The following LRTM3 variants were observed in gnomAD, a reference collection of about 807,000 sequenced individuals.
The protein encoded by LRTM3 is leucine rich repeat transmembrane protein 3.
At chr13:102,743,499 G>A in the LRTM3 span, 1 of 1,548,536 alleles carries the variant, frequency 6.5e-7, no homozygotes, top group Non-Finnish European at 8.7e-7. Context: ...GAAATTGGTG[G>A]TTTCTTTTCC....
chr13:102,730,771 G>C, the LRTM3 span: 1 of 1,551,580 alleles, frequency 6.4e-7, no homozygotes, highest in African/African-American at 1.4e-5. Context: ...TACTATGTTT[G>C]GGAAGTACAT....
At chr13:102,732,432 T>C in the LRTM3 span, 1 of 1,551,208 alleles carries the variant, frequency 6.4e-7, no homozygotes, top group Non-Finnish European at 8.7e-7. Flanking sequence ...CTCAATTCTC[T>C]TTTCAGATCT....
chr13:102,735,583 T>G, the LRTM3 span: 1 of 1,551,052 alleles, frequency 6.4e-7, no homozygotes, highest in Non-Finnish European at 8.7e-7. Flanking sequence ...TATCTGAGAG[T>G]AGTAATTGCT....
At chr13:102,738,173 C>A in the LRTM3 span, 2 of 1,550,314 alleles carry the variant, frequency 1.3e-6, no homozygotes, top group Non-Finnish European at 1.7e-6. Context: ...TGCTTTCAGA[C>A]CTTTGTCTTC....
At chr13:102,746,742 C>T in the LRTM3 span, 1 of 1,550,874 alleles carries the variant, frequency 6.4e-7, no homozygotes, top group African/African-American at 1.4e-5. Flanking sequence ...GTCTTTTCTT[C>T]TGCAAAACAG....
At chr13:102,742,229 C>A in the LRTM3 span, 1 of 1,550,398 alleles carries the variant, frequency 6.4e-7, no homozygotes, top group Non-Finnish European at 8.7e-7. Context: ...TTTTTTATTG[C>A]TTGCAGTACC....
At chr13:102,737,537 C>T in the LRTM3 span, 5 of 1,550,538 alleles carry the variant, frequency 3.2e-6, no homozygotes, top group Non-Finnish European at 3.5e-6. Flanking sequence ...GTCCTCTTTC[C>T]CTTGCTCCTG....
chr13:102,737,018 C>T, the LRTM3 span: 6 of 1,551,036 alleles, frequency 3.9e-6, no homozygotes, highest in Non-Finnish European at 5.2e-6. Flanking sequence ...TTCACTTTTT[C>T]TTTCCTGTAC....
At chr13:102,730,270 T>C in the LRTM3 span, 1 of 1,551,310 alleles carries the variant, frequency 6.4e-7, no homozygotes, top group South Asian at 1.2e-5. Context: ...ATAGAATGTT[T>C]TCTGATTCCT....
chr13:102,749,933 T>G, the LRTM3 span: 1 of 1,551,230 alleles, frequency 6.4e-7, no homozygotes, highest in South Asian at 1.2e-5. Flanking sequence ...AGGAATTTGA[T>G]TCCTCACATT....
At chr13:102,758,513 T>C in the LRTM3 span, 1 of 1,539,964 alleles carries the variant, frequency 6.5e-7, no homozygotes, top group Non-Finnish European at 8.8e-7. Flanking sequence ...ACAAGTTTTA[T>C]ATTAAAATGT....
At chr13:102,738,248 T>A in the LRTM3 span, 1 of 1,550,984 alleles carries the variant, frequency 6.4e-7, no homozygotes, top group Non-Finnish European at 8.7e-7. Flanking sequence ...TTGCATGTAA[T>A]CTTTTGCTTT....
At chr13:102,749,624 G>A in the LRTM3 span, 1 of 1,551,388 alleles carries the variant, frequency 6.4e-7, no homozygotes, top group Non-Finnish European at 8.7e-7. Flanking sequence ...GGACTGGAAG[G>A]AGTCTTGTGT....
chr13:102,742,784 C>T, the LRTM3 span: 1 of 1,550,492 alleles, frequency 6.4e-7, no homozygotes, highest in South Asian at 1.2e-5. Flanking sequence ...AGGTGAATGC[C>T]TGCCAACAGA....
the LRTM3 span, chr13:102,739,308 CTCTA>C: frequency 6.5e-7 from 1 of 1,549,198 alleles, no homozygotes; most frequent in Non-Finnish European, 8.7e-7. Context: ...ACTATATTTT[CTCTA>C]TCTTCCTTCT....
the LRTM3 span, chr13:102,733,852 C>G: frequency 6.4e-7 from 1 of 1,551,382 alleles, no homozygotes; most frequent in Non-Finnish European, 8.7e-7. Flanking sequence ...GGGGCACATA[C>G]TGTTCTGCTT....
At chr13:102,743,053 A>T in the LRTM3 span, 1 of 1,550,188 alleles carries the variant, frequency 6.5e-7, no homozygotes, top group African/African-American at 1.4e-5. Flanking sequence ...CCAAAAGCAC[A>T]TCCTCTGATT....
the LRTM3 span, chr13:102,732,186 GA>G: frequency 6.4e-7 from 1 of 1,551,276 alleles, no homozygotes; most frequent in Non-Finnish European, 8.7e-7. Flanking sequence ...AATTTAGGAA[GA>G]CAGATTCTCT....
At chr13:102,730,398 C>T in the LRTM3 span, 1 of 1,550,864 alleles carries the variant, frequency 6.4e-7, no homozygotes, top group Non-Finnish European at 8.7e-7. Context: ...TCAACAAAAT[C>T]TTCAGAAATC....
Sources: gnomAD v4.1 joint callset for allele counts on GRCh38, gnomAD v4.1.1 for gene constraint, MANE v1.5 for transcripts, NCBI Gene and HGNC (gene_info 2026-07-23, HGNC 2026-07-21) for gene names.